Variants in SLC44A1 observed in about 807,000 individuals in gnomAD.
SLC44A1 encodes the protein choline transporter-like protein 1.
Under a neutral mutation model 79.3 loss-of-function variants are expected in SLC44A1, and 26 were observed. That is an observed-to-expected ratio of 0.33 (90% confidence interval 0.24 to 0.46). The LOEUF (loss-of-function observed/expected upper bound fraction) is 0.46, where lower values mean the gene tolerates loss of function less well. Among genes scored for constraint, SLC44A1 ranks in the 20% least tolerant of loss-of-function variants. The pLI is 1.00. For missense variants in SLC44A1, 688 were observed against 798.1 expected, an observed-to-expected ratio of 0.86 and a Z score of 1.66; for synonymous variants, 263 against 286.2, an observed-to-expected ratio of 0.92 and a Z score of 0.82.
intron 3 of SLC44A1, among the ~76,000 whole-genome samples, chr9:105,316,914 C>T (rs966496863): frequency 5.3e-5 from 8 of 152,274 alleles, no homozygotes; most frequent in South Asian, 4.1e-4. Flanking sequence ...CTTTTAACAA[C>T]GAAGTTCTGT....
intron 6 of SLC44A1, among the ~76,000 whole-genome samples, chr9:105,357,517 ATTTG>A (rs1482879234): frequency 2.0e-5 from 3 of 152,114 alleles, no homozygotes; most frequent in Admixed American, 6.5e-5. Context: ...ATCTTTGTTC[ATTTG>A]TTTGTGGAAT....
intron 1 of SLC44A1, among the ~76,000 whole-genome samples, chr9:105,252,848 A>G (rs1003773425): frequency 6.6e-6 from 1 of 152,252 alleles, no homozygotes; most frequent in Non-Finnish European, 1.5e-5. Flanking sequence ...TATTTGGAAT[A>G]TAGCATAGCA....
At chr9:105,357,539 T>C (rs1827656631) in intron 6 of SLC44A1, among the ~76,000 whole-genome samples, 1 of 152,178 alleles carries the variant, frequency 6.6e-6, no homozygotes, top group Non-Finnish European at 1.5e-5. Flanking sequence ...AATGGGCCTT[T>C]AGATAATTAA....
intron 3 of SLC44A1, among the ~76,000 whole-genome samples, chr9:105,318,154 C>G (rs1041363831): frequency 1.3e-5 from 2 of 152,102 alleles, no homozygotes; most frequent in African/African-American, 2.4e-5. Context: ...TAAATGAAAA[C>G]TTATTGTATT....
intron 1 of SLC44A1, among the ~76,000 whole-genome samples, chr9:105,266,525 T>C (rs925677335): frequency 5.9e-5 from 9 of 152,254 alleles, no homozygotes; most frequent in Non-Finnish European, 1.2e-4. Context: ...TGTGTGTGTG[T>C]ATGAATATCC....
Position 105,379,149 on chromosome 9 carries a change from G to C in SLC44A1, c.1633-3974G>C, listed in dbSNP as rs144323390. ...AAATTTTCCTGGCATGGTGGGGTGCGTCTGTATTCCCAGCTACTCGGGAGG... is the reference window on the plus strand; with the variant it reads ...AAATTTTCCTGGCATGGTGGGGTGCCTCTGTATTCCCAGCTACTCGGGAGG... On this transcript the variant is annotated intron_variant, in intron 13 of 15. Coordinates refer to ENST00000374720, the MANE Select transcript of SLC44A1 (RefSeq NM_080546.5). Among the ~76,000 whole-genome samples the C allele has an allele frequency of 3.0e-4, 45 of 152,260 alleles. No individual in the cohort carries two copies. The Middle Eastern group carries it at 0.014, about 46-fold the overall frequency.
intron 1 of SLC44A1, among the ~76,000 whole-genome samples, chr9:105,257,795 G>A (rs539527931): frequency 1.3e-5 from 2 of 152,316 alleles, no homozygotes; most frequent in Non-Finnish European, 1.5e-5. Flanking sequence ...TCAAAGGCAA[G>A]GAAGCAGACA....
At chr9:105,356,522 A>G in intron 6 of SLC44A1, 141 bp downstream of exon 6, 1 of 582,014 alleles carries the variant, frequency 1.7e-6, no homozygotes, top group South Asian at 2.4e-5. Context: ...TTCAGATTAT[A>G]TATAGTTAAG....
intron 4 of SLC44A1, among the ~76,000 whole-genome samples, chr9:105,336,479 C>T (rs772244087): frequency 6.6e-6 from 1 of 152,172 alleles, no homozygotes; most frequent in Middle Eastern, 3.2e-3. Context: ...CCTCAGTTCT[C>T]TTCAGAGAAT....
At chr9:105,271,679 T>G (rs1199816985) in intron 1 of SLC44A1, among the ~76,000 whole-genome samples, 2 of 152,076 alleles carry the variant, frequency 1.3e-5, no homozygotes, top group Non-Finnish European at 2.9e-5. Flanking sequence ...AGTGGTGCAA[T>G]CTCAGCACAC....
At chr9:105,341,814 G>C (rs1287558856) in intron 4 of SLC44A1, among the ~76,000 whole-genome samples, 1 of 152,148 alleles carries the variant, frequency 6.6e-6, no homozygotes, top group Non-Finnish European at 1.5e-5. Context: ...AGTCTAACCA[G>C]TATTTCTGTA....
chr9:105,362,910 C>T lies in SLC44A1; in HGVS notation c.990C>T (p.His330=). The T allele has an allele frequency of 6.2e-7, 1 of 1,613,960 alleles. No individual in the cohort carries two copies. Among genetic ancestry groups the T allele is most frequent in the Non-Finnish European group, 8.5e-7 (1 of 1,179,912 alleles). The change falls in exon 9 of 16, where the codon CAC becomes CAT. Residue 330 remains histidine (H), a synonymous_variant. Transcript: ENST00000374720. ...LFHVAGKVFI[H]LPLLVFQPFW... is the part of the protein sequence containing the mutation. ...ACGTAGCTGGCAAGGTCTTCATTCA[C>T]TTGCCACTGCTAGTCTTCCAACCCT...
At chr9:105,431,282 A>G (rs1265350224) in intron 15 of SLC44A1, among the ~76,000 whole-genome samples, 12 of 152,342 alleles carry the variant, frequency 7.9e-5, no homozygotes, top group Non-Finnish European at 1.5e-5. Flanking sequence ...TAGATGTCCA[A>G]CTTTCTTCTT....
chr9:105,384,463 G>T (rs763779102), intron 14 of SLC44A1, among the ~76,000 whole-genome samples: 1 of 152,146 alleles, frequency 6.6e-6, no homozygotes, highest in Non-Finnish European at 1.5e-5. Flanking sequence ...TTACAGGTGT[G>T]AGCCTCCATG....
chr9:105,350,549 C>A (rs972661228), intron 5 of SLC44A1, among the ~76,000 whole-genome samples: 1 of 152,078 alleles, frequency 6.6e-6, no homozygotes, highest in South Asian at 2.1e-4. Context: ...CCCTCAGCAT[C>A]CTTCACATCT....
intron 15 of SLC44A1, among the ~76,000 whole-genome samples, chr9:105,407,455 C>T (rs1201476125): frequency 6.6e-6 from 1 of 152,136 alleles, no homozygotes; most frequent in Non-Finnish European, 1.5e-5. Context: ...TATAAGTGAT[C>T]CTTAATAAGA....
intron 12 of SLC44A1, 38 bp from the exon 13 acceptor site, chr9:105,374,560 C>T: frequency 6.3e-7 from 1 of 1,590,096 alleles, no homozygotes; most frequent in African/African-American, 1.3e-5. Context: ...AAGGAAGTTT[C>T]AATTGTTGAC....
Position 105,396,403 on chromosome 9 carries a change from A to C in SLC44A1, c.*7347A>C, listed in dbSNP as rs1240167407. Reference sequence around the variant, plus strand: ...GACAGGGGCTTCAAAAAACAACCAAAGACAAAACCCTATCTTCTGAAGACC... The same window carrying C: ...GACAGGGGCTTCAAAAAACAACCAACGACAAAACCCTATCTTCTGAAGACC... On this transcript the variant is annotated 3_prime_UTR_variant, in exon 16 of 16. Transcript: ENST00000374720. The C allele has an allele frequency of 4.1e-6, 4 of 985,332 alleles. No homozygotes were observed. Among genetic ancestry groups the C allele is most frequent in the Non-Finnish European group, 4.8e-6 (4 of 829,948 alleles). The allele number at this position is 985,332 out of a possible 1,614,324, so 61.0% of individuals were successfully genotyped here.
chr9:105,419,143 G>T (rs948183678), intron 15 of SLC44A1, among the ~76,000 whole-genome samples: 1 of 152,158 alleles, frequency 6.6e-6, no homozygotes, highest in South Asian at 2.1e-4. Context: ...TTAGCATAGA[G>T]ACATATGGTT....
Sources: allele counts gnomAD v4.1 joint callset (sites outside exome capture counted in the v4.1 genomes callset), GRCh38; gene constraint gnomAD v4.1.1; transcripts MANE v1.5; gene names NCBI Gene and HGNC (gene_info 2026-07-23, HGNC 2026-07-21).